Variants in SGPP2 observed in about 807,000 individuals in gnomAD.
The protein encoded by SGPP2 is sphingosine 1-phosphate phosphohydrolase 2.
Under a neutral mutation model 33.9 loss-of-function variants are expected in SGPP2, and 30 were observed. The ratio of observed to expected loss-of-function variants is 0.89; its 90% confidence interval spans 0.66 to 1.20. The LOEUF is 1.20. SGPP2 is among the 50% of genes most tolerant of loss of function. The pLI is 0.00. For synonymous variants in SGPP2, 233 were observed against 225.0 expected (o/e 1.04, Z -0.32); for missense variants, 458 against 532.1 (o/e 0.86, Z 1.37).
intron 2 of SGPP2, among the ~76,000 whole-genome samples, chr2:222,496,471 A>G (rs1182869086): frequency 2.0e-5 from 3 of 152,220 alleles, no homozygotes; most frequent in Admixed American, 6.5e-5. Context: ...AGATGTTCTC[A>G]TCAGTCTCCC....
intron 4 of SGPP2, among the ~76,000 whole-genome samples, chr2:222,556,923 A>G (rs1338376604): frequency 7.1e-6 from 1 of 140,388 alleles, no homozygotes; most frequent in Non-Finnish European, 1.6e-5. Context: ...CTCCTTCCCT[A>G]TCCACCCTTA....
intron 2 of SGPP2, among the ~76,000 whole-genome samples, chr2:222,483,297 T>G (rs1698057030): frequency 6.6e-6 from 1 of 150,996 alleles, no homozygotes; most frequent in Admixed American, 6.6e-5. Flanking sequence ...GCGTGGCAAA[T>G]ATAAATTTCA....
At position 222,558,835 on chromosome 2, in the gene SGPP2, A is replaced by G. The variant is rs1243317698; in HGVS notation, c.1137A>G (p.Thr379=). 2 of 1,614,100 alleles carry G rather than the reference A, an allele frequency of 1.2e-6. No individual in the cohort carries two copies. The highest frequency in any genetic ancestry group is 1.1e-5 in the South Asian group (1 of 91,080). The change falls in exon 5 of 5, where the codon ACA becomes ACG. Residue 379 remains threonine, a synonymous_variant. Transcript: ENST00000321276. ...TGCCTTACAAGTTTGTTACCTACAC[A>G]TCTGTTGGCATCTGCGCTACAACCT... is the stretch of plus-strand genomic sequence containing the variant. ...IEVPYKFVTY[T]SVGICATTFV...
chr2:222,554,630 C>T (rs895023174), intron 4 of SGPP2, among the ~76,000 whole-genome samples: 4 of 152,158 alleles, frequency 2.6e-5, no homozygotes, highest in Non-Finnish European at 5.9e-5. Context: ...TTCACCCCTA[C>T]AGTTTCATTA....
intron 4 of SGPP2, among the ~76,000 whole-genome samples, chr2:222,539,943 G>A (rs553768383): frequency 2.0e-5 from 3 of 152,094 alleles, no homozygotes; most frequent in Non-Finnish European, 4.4e-5. Flanking sequence ...CTAGGAGTGG[G>A]CTTCCTAGGA....
chr2:222,451,001 T>C (rs1697477560), intron 1 of SGPP2, among the ~76,000 whole-genome samples: 1 of 152,206 alleles, frequency 6.6e-6, no homozygotes, highest in African/African-American at 2.4e-5. Context: ...TGAATTTCCT[T>C]CATAATATAG....
At chr2:222,440,332 G>GTGTTTT (rs1553533208) in intron 1 of SGPP2, among the ~76,000 whole-genome samples, 1 of 129,148 alleles carries the variant, frequency 7.7e-6, no homozygotes, top group South Asian at 2.6e-4. Flanking sequence ...CATGTTTTGT[G>GTGTTTT]TGTTTTTGTT....
chr2:222,514,296 A>G (rs111719718), intron 2 of SGPP2, among the ~76,000 whole-genome samples: 333 of 152,350 alleles, frequency 2.2e-3, no homozygotes, highest in African/African-American at 7.8e-3. Flanking sequence ...AAATACAATA[A>G]TCAGCATTTC....
rs542847830 is a variant in SGPP2 at position 222,473,577 on chromosome 2, G to A, written c.220-991G>A. ...TTTAATGCATACAAATATACAGTTA[G>A]AAGAAATAAGTTATAGTGTTGGATA... On this transcript the variant is annotated intron_variant, in intron 1 of 4. Coordinates refer to ENST00000321276, the MANE Select transcript of SGPP2 (RefSeq NM_152386.4). Among the ~76,000 whole-genome samples the A allele has an allele frequency of 3.9e-5, 6 of 152,308 alleles. No homozygotes were observed. In the South Asian group the frequency reaches 1.2e-3, roughly 32 times the overall value.
intron 2 of SGPP2, among the ~76,000 whole-genome samples, chr2:222,509,012 A>C (rs1316465371): frequency 2.0e-5 from 3 of 152,236 alleles, no homozygotes; most frequent in Admixed American, 1.3e-4. Context: ...ATAGCTTTTC[A>C]CACTGGATGG....
At chr2:222,544,176 GAAGTT>G (rs980004417) in intron 4 of SGPP2, among the ~76,000 whole-genome samples, 21 of 152,336 alleles carry the variant, frequency 1.4e-4, no homozygotes, top group African/African-American at 5.1e-4. Flanking sequence ...GAGACATAGA[GAAGTT>G]AAGTAACCTG....
intron 1 of SGPP2, among the ~76,000 whole-genome samples, chr2:222,432,368 G>C (rs1016949640): frequency 5.9e-5 from 9 of 152,186 alleles, no homozygotes; most frequent in Non-Finnish European, 8.8e-5. Flanking sequence ...AAGCACAAAT[G>C]GTTTCTTAAG....
At chr2:222,455,815 C>T (rs1697564238) in intron 1 of SGPP2, among the ~76,000 whole-genome samples, 1 of 152,182 alleles carries the variant, frequency 6.6e-6, no homozygotes, top group South Asian at 2.1e-4. Context: ...AATCCCAATG[C>T]TTTGGGAGCC....
Position 222,524,499 on chromosome 2 carries a change from CCTT to C in SGPP2, c.559-442_559-440del, listed in dbSNP as rs1387214013. The stretch of plus-strand genomic sequence containing the variant: ...TTCTGACTTTAGGCCCATTGCCCCT[CCTT>C]CTACGGAGGAGGAGAAGTTGCTTGT... On this transcript the variant is annotated intron_variant, in intron 3 of 4. Coordinates refer to ENST00000321276, the MANE Select transcript of SGPP2 (RefSeq NM_152386.4). 2.0e-5 allele frequency among the ~76,000 whole-genome samples: 3 copies of C among 152,236 alleles called. No individual in the cohort carries two copies. The East Asian group carries it at 5.8e-4, about 29-fold the overall frequency.
At chr2:222,506,471 T>C (rs534595675) in intron 2 of SGPP2, among the ~76,000 whole-genome samples, 54 of 152,350 alleles carry the variant, frequency 3.5e-4, no homozygotes, top group African/African-American at 1.3e-3. Context: ...TGTAAACAGT[T>C]GATGCGCTGA....
intron 1 of SGPP2, among the ~76,000 whole-genome samples, chr2:222,446,394 A>G (rs569354472): frequency 6.6e-6 from 1 of 152,366 alleles, no homozygotes; most frequent in South Asian, 2.1e-4. Flanking sequence ...TGTAGGAACT[A>G]TAAATAGTCA....
At chr2:222,469,942 G>C (rs1407028428) in intron 1 of SGPP2, among the ~76,000 whole-genome samples, 1 of 152,160 alleles carries the variant, frequency 6.6e-6, no homozygotes, top group Non-Finnish European at 1.5e-5. Flanking sequence ...CCATAAAAAA[G>C]AATGAGTTCA....
chr2:222,518,585 C>T (rs1170311909), intron 2 of SGPP2, among the ~76,000 whole-genome samples: 2 of 152,108 alleles, frequency 1.3e-5, no homozygotes, highest in Non-Finnish European at 2.9e-5. Flanking sequence ...TCGGTAATAC[C>T]TGCCAGTTTT....
chr2:222,453,983 C>T (rs1401634629), intron 1 of SGPP2, among the ~76,000 whole-genome samples: 3 of 152,220 alleles, frequency 2.0e-5, no homozygotes, highest in African/African-American at 7.2e-5. Flanking sequence ...AAGTTTTTAA[C>T]AATAGTACTG....
Sources: gnomAD v4.1 joint callset for allele counts (sites outside exome capture counted in the v4.1 genomes callset) on GRCh38, gnomAD v4.1.1 for gene constraint, MANE v1.5 for transcripts, NCBI Gene and HGNC (gene_info 2026-07-23, HGNC 2026-07-21) for gene names.